Variants in DCTN1 observed in about 807,000 individuals in gnomAD.
DCTN1 encodes the protein 150 kDa dynein-associated polypeptide.
DCTN1 carries 61 observed loss-of-function variants against 161.2 expected under a neutral mutation model. The ratio of observed to expected loss-of-function variants is 0.38; its 90% confidence interval spans 0.31 to 0.47. The LOEUF is 0.47. Ranked by LOEUF, DCTN1 falls within the 20% of genes least tolerant of loss-of-function variation. The probability of loss-of-function intolerance (pLI) is 0.99; values close to 1 mark genes in which losing one functional copy is unlikely to be tolerated. For missense variants in DCTN1, 1,404 were observed against 1,623.7 expected, an observed-to-expected ratio of 0.86 and a Z score of 2.33; for synonymous variants, 653 against 632.4, an observed-to-expected ratio of 1.03 and a Z score of -0.49.
chr2:74,363,242 TG>T (rs1388291668), intron 28 of DCTN1, 51 bp downstream of exon 28: 2 of 1,613,954 alleles, frequency 1.2e-6, no homozygotes, highest in African/African-American at 2.7e-5. Context: ...CTATCATCAA[TG>T]GGGCAAATAT....
rs1239431798 is a variant in DCTN1 at position 74,366,236 on chromosome 2, C to T, written c.2760+8G>A. The T allele has an allele frequency of 6.2e-7, 1 of 1,614,010 alleles. No homozygotes were observed. The highest frequency in any genetic ancestry group is 1.3e-5 in the African/African-American group (1 of 74,928). On this transcript the variant is annotated splice_region_variant and intron_variant, in intron 23 of 31. Coordinates refer to ENST00000628224, the MANE Select transcript of DCTN1 (RefSeq NM_004082.5). ...CTCTGCAACTTCTCCAAGGAAATCT[C>T]CACCTACCTTGCTGGGGGGCCGCTC... is the stretch of plus-strand genomic sequence containing the variant.
At position 74,374,461 on chromosome 2, in the gene DCTN1, A is replaced by AG. The variant is rs1458394737; in HGVS notation, c.415-122dup. On this transcript the variant is annotated intron_variant, in intron 5 of 31. Transcript: ENST00000628224. The stretch of plus-strand genomic sequence containing the variant: ...GGAGGGAGGGCAAGAGACCGAACAG[A>AG]GGGAAAGGCGGCGGAGACAGGAGAT... The AG allele has an allele frequency of 8.3e-6, 13 of 1,563,062 alleles. No homozygotes were observed. The African/African-American group carries it at 1.6e-4, about 20-fold the overall frequency.
In DCTN1 at chr2:74,370,476, C is replaced by A; in HGVS notation, c.1117G>T (p.Ala373Ser). 6.2e-7 allele frequency: 1 copy of A among 1,614,250 alleles called. No individual in the cohort carries two copies. The highest frequency in any genetic ancestry group is 8.5e-7 in the Non-Finnish European group (1 of 1,180,046). ...LEEQNARLKD[A>S]LVRMRDLSSS... The stretch of plus-strand genomic sequence containing the variant: ...CACTGAAGACCCTACCTCACCAGGG[C>A]ATCCTTCAGGCGGGCATTCTGCTCC... The change falls in exon 11 of 32, where the codon GCC becomes TCC. Residue 373 changes from alanine to serine, a missense_variant. Around this residue, in one of 9 missense-constraint regions of DCTN1, gnomAD observed 278 missense variants for 363.8 expected, o/e 0.76. Coordinates refer to ENST00000628224, the MANE Select transcript of DCTN1 (RefSeq NM_004082.5). This position sits in a 1 kb window ranked among gnomAD's most constrained non-coding sequence, Gnocchi z 4.4.
intron 26 of DCTN1, 130 bp downstream of exon 26, chr2:74,364,945 A>C (rs1175565758): frequency 1.7e-6 from 2 of 1,190,848 alleles, no homozygotes; most frequent in Non-Finnish European, 2.5e-6. Flanking sequence ...GCACAGAGTG[A>C]AACTGTGTAA....
intron 29 of DCTN1, 41 bp from the exon 30 acceptor site, chr2:74,362,770 G>A (rs2268426): frequency 3.1e-6 from 5 of 1,594,886 alleles, no homozygotes; most frequent in Admixed American, 3.4e-5. Flanking sequence ...CAAGGCGCAG[G>A]CAGGCAGTTC....
Position 74,365,509 on chromosome 2 carries a change from C to T in DCTN1, c.3029+6G>A, listed in dbSNP as rs754143116. On this transcript the variant is annotated splice_donor_region_variant and intron_variant, in intron 25 of 31. Transcript: ENST00000628224. ...AGGAAGCAAGGCCCCAGGGAAAGTG[C>T]CTGACTTCTCCTTCTTTCGCAGCAG... The T allele has an allele frequency of 1.2e-6, 2 of 1,614,136 alleles. No individual in the cohort carries two copies. Among genetic ancestry groups the T allele is most frequent in the East Asian group, 4.5e-5 (2 of 44,876 alleles).
chr2:74,389,872 A>G (rs2103784396), intron 1 of DCTN1, among the ~76,000 whole-genome samples: 1 of 152,318 alleles, frequency 6.6e-6, no homozygotes, highest in South Asian at 2.1e-4. Context: ...TAATATTGCT[A>G]TGTGAAGCCT....
At chr2:74,380,482 A>T (rs1196781544), upstream of DCTN1, 1 of 475,706 alleles carries the variant, frequency 2.1e-6, no homozygotes, top group African/African-American at 2.0e-5. Context: ...ACGTCCTCCT[A>T]GTCTGTACCC....
At chr2:74,389,392 C>T (rs1675890293) in intron 1 of DCTN1, among the ~76,000 whole-genome samples, 1 of 152,278 alleles carries the variant, frequency 6.6e-6, no homozygotes, top group Non-Finnish European at 1.5e-5. Context: ...CCCCCAGTAT[C>T]ACCTAGTAGC....
Position 74,371,184 on chromosome 2 carries a change from G to C in DCTN1, c.646-8C>G. On this transcript the variant is annotated splice_region_variant and splice_polypyrimidine_tract_variant and intron_variant, in intron 8 of 31. Coordinates refer to ENST00000628224, the MANE Select transcript of DCTN1 (RefSeq NM_004082.5). ...CCTTAGTCCCTCCTCCTCCTGCAAA[G>C]GAGAGGCCTCACGGTCTGTGCACAG... 6.2e-7 allele frequency: 1 copy of C among 1,613,028 alleles called. No individual in the cohort carries two copies. The highest frequency in any genetic ancestry group is 8.5e-7 in the Non-Finnish European group (1 of 1,180,022).
At chr2:74,374,431 C>T (rs1352898758) in intron 5 of DCTN1, 91 bp from the exon 6 acceptor site, 3 of 1,595,258 alleles carry the variant, frequency 1.9e-6, no homozygotes, top group East Asian at 2.3e-5. Context: ...GAAGGACAGA[C>T]GAAGGGAGGG....
intron 1 of DCTN1, among the ~76,000 whole-genome samples, chr2:74,385,998 C>A (rs1332689456): frequency 6.6e-6 from 1 of 152,214 alleles, no homozygotes; most frequent in African/African-American, 2.4e-5. Context: ...TCAGATGACA[C>A]AATCTCAGCC....
At position 74,370,069 on chromosome 2, in the gene DCTN1, C is replaced by T. The variant is rs1674719795; in HGVS notation, c.1288G>A (p.Val430Met). Reference protein sequence around the residue: ...ESTIDELKEQVDAALGAEEMV... With the variant: ...ESTIDELKEQMDAALGAEEMV... The stretch of plus-strand genomic sequence containing the variant: ...TCCTCAGCACCCAGAGCAGCATCCA[C>T]CTGTGTTACGGGGAGGATAGGGAGA... The change falls in exon 13 of 32, where the codon GTG (valine) becomes ATG (methionine). Residue 430 changes from valine to methionine, a missense_variant and splice_region_variant. By Grantham distance (21) the Val-to-Met change is conservative. Coordinates refer to ENST00000628224, the MANE Select transcript of DCTN1 (RefSeq NM_004082.5). This position sits in a 1 kb window ranked among gnomAD's most constrained non-coding sequence, Gnocchi z 4.4. 3 of 1,614,176 alleles carry T rather than the reference C, an allele frequency of 1.9e-6. No individual in the cohort carries two copies. The highest frequency in any genetic ancestry group is 2.5e-6 in the Non-Finnish European group (3 of 1,180,034).
intron 23 of DCTN1, 34 bp from the exon 24 acceptor site, chr2:74,366,052 G>C: frequency 1.2e-6 from 2 of 1,614,096 alleles, no homozygotes; most frequent in Admixed American, 1.7e-5. Context: ...GAGAAAGTGA[G>C]GGTGGAGAGA....
Position 74,365,635 on chromosome 2 carries a change from T to C in DCTN1, c.2909A>G (p.Asn970Ser), listed in dbSNP as rs568812456. 1.6e-5 allele frequency: 26 copies of C among 1,614,110 alleles called. No individual in the cohort carries two copies. Among genetic ancestry groups the C allele is most frequent in the Non-Finnish European group, 1.9e-5 (23 of 1,180,026 alleles). The change falls in exon 25 of 32, where the codon AAT becomes AGT. Residue 970 changes from asparagine (N) to serine (S), a missense_variant. Around this residue, in one of 9 missense-constraint regions of DCTN1, gnomAD observed 475 missense variants for 489.8 expected, o/e 0.97. Transcript: ENST00000628224. ...KIKGEELSEA[N>S]VRLSLLEKKL... ...CTTCTCCAGGAGGCTCAGCCGCACA[T>C]TGGCCTCACTTAGCTCCTCTCCCTG...
chr2:74,372,886 T>A lies in DCTN1; in HGVS notation c.453+42A>T, dbSNP rs748470355. The A allele has an allele frequency of 3.5e-5, 56 of 1,608,470 alleles. No homozygotes were observed. The South Asian group carries it at 4.2e-4, about 12-fold the overall frequency. On this transcript the variant is annotated intron_variant, in intron 7 of 31. Coordinates refer to ENST00000628224, the MANE Select transcript of DCTN1 (RefSeq NM_004082.5). ...TACATCCACATGCCTGAAACGTGTG[T>A]GTACACTCAGCAGTGGCTCACACAG...
In DCTN1 at chr2:74,365,595, A is replaced by C. The variant is rs1370535167; in HGVS notation, c.2949T>G (p.Ala983=). The C allele has an allele frequency of 1.2e-6, 2 of 1,614,180 alleles. No homozygotes were observed. The highest frequency in any genetic ancestry group is 3.3e-5 in the Admixed American group (2 of 60,028). Residue 983 remains alanine, a synonymous_variant, in exon 25 of 32, where the codon GCT becomes GCG. Transcript: ENST00000628224. ...LSLLEKKLDS[A]AKDADERIEK... is the part of the protein sequence containing the mutation. ...CGATGCGCTCATCTGCATCCTTGGCAGCACTGTCCAACTTCTTCTCCAGGA... is the reference window on the plus strand; with the variant it reads ...CGATGCGCTCATCTGCATCCTTGGCCGCACTGTCCAACTTCTTCTCCAGGA...
chr2:74,388,595 T>C (rs2103777818), intron 1 of DCTN1, among the ~76,000 whole-genome samples: 1 of 152,372 alleles, frequency 6.6e-6, no homozygotes, highest in South Asian at 2.1e-4. Context: ...CTTCTCCATG[T>C]GGAGCTAATC....
upstream of DCTN1, among the ~76,000 whole-genome samples, chr2:74,382,887 A>G (rs1224299069): frequency 6.6e-6 from 1 of 151,776 alleles, no homozygotes. Flanking sequence ...CCTGGCTAAC[A>G]AGGTGAAACC....
Sources: gnomAD v4.1 joint callset for allele counts (sites outside exome capture counted in the v4.1 genomes callset) on GRCh38, gnomAD v4.1.1 for gene constraint, gnomAD v4.1.1 regional missense constraint, Gnocchi (gnomAD v3.1) non-coding constraint, MANE v1.5 for transcripts, NCBI Gene and HGNC (gene_info 2026-07-23, HGNC 2026-07-21) for gene names.